The following NCKAP1 variants were observed in gnomAD, a reference collection of about 807,000 sequenced individuals.
NCKAP1 encodes NCK associated protein 1, also known as nck-associated protein 1.
NCKAP1 carries 21 observed loss-of-function variants against 151.2 expected under a neutral mutation model. The observed-to-expected ratio is 0.14, with a 90% confidence interval of 0.10 to 0.20. The LOEUF (loss-of-function observed/expected upper bound fraction) is 0.20. NCKAP1 is among the 10% of genes least tolerant of loss of function. NCKAP1 has a pLI of 1.00. For synonymous variants in NCKAP1, 484 were observed against 451.8 expected (o/e 1.07, Z -0.90); for missense variants, 933 against 1,352.1 (o/e 0.69, Z 4.86).
intron 29 of NCKAP1, 72 bp downstream of exon 29, chr2:182,928,044 CT>C (rs1381785917): frequency 9.6e-7 from 1 of 1,044,518 alleles, no homozygotes; most frequent in East Asian, 2.5e-5. Context: ...AGAATTTATT[CT>C]TACATTTTGT....
At position 182,950,199 on chromosome 2, in the gene NCKAP1, T is replaced by C. The variant is rs180878622; in HGVS notation, c.2601+2206A>G. Reference sequence around the variant, plus strand: ...AAAGCAGAAGGCCAGATCCTTGCAGTATTAAGGAACTGTTCATATAAATGA... The same window carrying C: ...AAAGCAGAAGGCCAGATCCTTGCAGCATTAAGGAACTGTTCATATAAATGA... On this transcript the variant is annotated intron_variant, in intron 23 of 30. Transcript: ENST00000361354. 5.9e-5 allele frequency among the ~76,000 whole-genome samples: 9 copies of C among 152,222 alleles called. No individual in the cohort carries two copies. The East Asian group carries it at 1.7e-3, about 29-fold the overall frequency.
chr2:182,988,076 C>T (rs1279589137), intron 9 of NCKAP1, among the ~76,000 whole-genome samples: 7 of 152,124 alleles, frequency 4.6e-5, no homozygotes, highest in African/African-American at 1.2e-4. Flanking sequence ...AAAAAGTACT[C>T]GGGAAGAAAA....
chr2:182,967,157 G>C, intron 16 of NCKAP1, 59 bp downstream of exon 16: 2 of 1,475,222 alleles, frequency 1.4e-6, no homozygotes, highest in Non-Finnish European at 1.8e-6. Flanking sequence ...AAATAATCAA[G>C]AAACATATAT....
At chr2:183,029,562 C>G (rs1479658743) in intron 1 of NCKAP1, among the ~76,000 whole-genome samples, 1 of 151,950 alleles carries the variant, frequency 6.6e-6, no homozygotes, top group Non-Finnish European at 1.5e-5. Flanking sequence ...TAGCTCACAC[C>G]TGCAATCCCA....
chr2:183,013,341 G>GT (rs1291180997), intron 2 of NCKAP1, among the ~76,000 whole-genome samples: 2 of 152,008 alleles, frequency 1.3e-5, no homozygotes, highest in Non-Finnish European at 2.9e-5. Context: ...TGCATTCACT[G>GT]TACTACTCCC....
At chr2:182,933,519 G>A (rs185788018) in intron 26 of NCKAP1, among the ~76,000 whole-genome samples, 12 of 150,698 alleles carry the variant, frequency 8.0e-5, no homozygotes, top group South Asian at 2.1e-4. Context: ...TCACCCTCCC[G>A]AGTAGCTGGG....
At chr2:182,929,836 T>G (rs190707017) in intron 27 of NCKAP1, among the ~76,000 whole-genome samples, 9 of 151,536 alleles carry the variant, frequency 5.9e-5, no homozygotes, top group Non-Finnish European at 1.0e-4. Flanking sequence ...ATTTTAGTAG[T>G]AGAAAGAGAT....
At chr2:183,020,966 AAC>A (rs1299758247) in intron 2 of NCKAP1, among the ~76,000 whole-genome samples, 5 of 152,216 alleles carry the variant, frequency 3.3e-5, no homozygotes, top group Non-Finnish European at 5.9e-5. Context: ...TAAAAAAAAC[AAC>A]AGAGTAGCAT....
chr2:182,990,860 A>C (rs1192413423), intron 8 of NCKAP1, among the ~76,000 whole-genome samples: 1 of 152,226 alleles, frequency 6.6e-6, no homozygotes, highest in South Asian at 2.1e-4. Flanking sequence ...CATATTTTGT[A>C]GAATCATACA....
Position 182,934,744 on chromosome 2 carries a change from A to G in NCKAP1, c.2859+8T>C. The stretch of plus-strand genomic sequence containing the variant: ...ACTGTAAACCCCAACTATAAATTAT[A>G]TTATTACCTTCATATCAGTTTCCCT... On this transcript the variant is annotated splice_region_variant and intron_variant, in intron 26 of 30. Transcript: ENST00000361354. 2 of 1,322,148 alleles carry G rather than the reference A, an allele frequency of 1.5e-6. No individual in the cohort carries two copies. Among genetic ancestry groups the G allele is most frequent in the Non-Finnish European group, 1.1e-6 (1 of 934,536 alleles). The allele number at this position is 1,322,148 out of a possible 1,614,324, so 81.9% of individuals were successfully genotyped here. A position where few individuals can be genotyped will look rare whatever the true frequency, so the allele number is the denominator to read the frequency against.
At chr2:182,996,768 C>A (rs181829296) in intron 6 of NCKAP1, among the ~76,000 whole-genome samples, 1 of 152,112 alleles carries the variant, frequency 6.6e-6, no homozygotes, top group East Asian at 1.9e-4. Context: ...AAGAGTGATT[C>A]TTTAATCTGA....
intron 2 of NCKAP1, among the ~76,000 whole-genome samples, chr2:183,012,958 CA>C (rs1257070126): frequency 6.6e-6 from 1 of 151,724 alleles, no homozygotes; most frequent in Admixed American, 6.6e-5. Flanking sequence ...TTAAATGGCC[CA>C]TCATTATAAT....
Position 182,966,253 on chromosome 2 carries a change from G to A in NCKAP1, c.1628+963C>T, listed in dbSNP as rs186658478. The stretch of plus-strand genomic sequence containing the variant: ...GAGTTGATATTATATAGCTTGAGGC[G>A]AGAATTCTTGATTTTGAATCCTAAC... On this transcript the variant is annotated intron_variant, in intron 16 of 30. Coordinates refer to ENST00000361354, the MANE Select transcript of NCKAP1 (RefSeq NM_013436.5). Among the ~76,000 whole-genome samples, 480 of 152,074 alleles carry A rather than the reference G, an allele frequency of 3.2e-3. 7 individuals are homozygous for A. The highest frequency in any genetic ancestry group is 0.011 in the African/African-American group (441 of 41,502).
intron 8 of NCKAP1, 85 bp downstream of exon 8, chr2:182,994,754 C>T: frequency 9.2e-7 from 1 of 1,084,464 alleles, no homozygotes; most frequent in South Asian, 1.3e-5. Flanking sequence ...ATGCTAAGCA[C>T]AGAGGTAGTA....
intron 9 of NCKAP1, among the ~76,000 whole-genome samples, chr2:182,986,662 A>C (rs928545205): frequency 2.6e-5 from 4 of 152,208 alleles, no homozygotes; most frequent in African/African-American, 9.6e-5. Flanking sequence ...ATTAGTGATC[A>C]AAAGTAATGA....
Position 182,925,775 on chromosome 2 carries a change from G to T in NCKAP1, c.3314C>A (p.Ser1105Tyr). The change falls in exon 31 of 31, where the codon TCT (serine) becomes TAT (tyrosine). Residue 1105 changes from serine (S) to tyrosine (Y), a missense_variant. Transcript: ENST00000361354. Reference sequence around the variant, plus strand: ...TCTCAGCAAGACATAAGGAAAACAAGATTCCAAAAGATCCATTGTAAGGAA... The same window carrying T: ...TCTCAGCAAGACATAAGGAAAACAATATTCCAAAAGATCCATTGTAAGGAA... ...SPFLTMDLLE[S>Y]CFPYVLLRNA... 6.3e-7 allele frequency: 1 copy of T among 1,590,224 alleles called. No homozygotes were observed.
At position 183,002,150 on chromosome 2, in the gene NCKAP1, G is replaced by A. The variant is rs1254401112; in HGVS notation, c.489C>T (p.Ala163=). Residue 163 remains alanine (A), a synonymous_variant, in exon 5 of 31, where the codon GCC becomes GCT. Transcript: ENST00000361354. ...RKAIIGLYNY[A]HEMTHGASDR... ...ACCTTGCTCCATGAGTCATTTCATG[G>A]GCATAGTTGTATAATCCAATGATTG... 1.5e-5 allele frequency: 24 copies of A among 1,612,924 alleles called. No homozygotes were observed. The highest frequency in any genetic ancestry group is 1.7e-4 in the Middle Eastern group (1 of 6,056).
intron 13 of NCKAP1, among the ~76,000 whole-genome samples, chr2:182,980,147 A>T (rs186233592): frequency 2.6e-5 from 4 of 152,138 alleles, no homozygotes; most frequent in Non-Finnish European, 5.9e-5. Context: ...AGTAATAACT[A>T]TTCAAATAAA....
chr2:183,027,491 A>T (rs1465848485), intron 1 of NCKAP1, among the ~76,000 whole-genome samples: 1 of 152,210 alleles, frequency 6.6e-6, no homozygotes, highest in Non-Finnish European at 1.5e-5. Flanking sequence ...TGAAAAAAAT[A>T]AACTGACATG....
Sources: allele counts gnomAD v4.1 joint callset (sites outside exome capture counted in the v4.1 genomes callset), GRCh38; gene constraint gnomAD v4.1.1; transcripts MANE v1.5; gene names NCBI Gene and HGNC (gene_info 2026-07-23, HGNC 2026-07-21).